ZDHHC14: variants seen among roughly 807,000 people sequenced by gnomAD.
ZDHHC14 encodes the protein palmitoyltransferase ZDHHC14.
In ZDHHC14, 16 loss-of-function variants were observed where a neutral mutation model predicts 47.7. The ratio of observed to expected loss-of-function variants is 0.34; its 90% CI spans 0.23 to 0.51. ZDHHC14 has a LOEUF of 0.51. Among genes scored for constraint, ZDHHC14 ranks in the 20% least tolerant of loss-of-function variants. The pLI, the probability that ZDHHC14 is intolerant of heterozygous loss-of-function variation, is 0.97. For synonymous variants in ZDHHC14, 293 were observed against 278.9 expected (o/e 1.05, Z -0.50); for missense variants, 515 against 662.5 (o/e 0.78, Z 2.44).
At chr6:157,526,440 C>G (rs1310706138) in intron 1 of ZDHHC14, among the ~76,000 whole-genome samples, 7 of 152,128 alleles carry the variant, frequency 4.6e-5, no homozygotes, top group African/African-American at 1.7e-4. Context: ...CCAGATTATC[C>G]TGGTATGGAA....
In ZDHHC14 at chr6:157,473,059, A is replaced by G. The variant is rs188104287; in HGVS notation, c.246-69526A>G. The stretch of plus-strand genomic sequence containing the variant: ...CACATTTTAATGAACAAAACTGTGT[A>G]TATGTATGGTATACAACATGGTATG... On this transcript the variant is annotated intron_variant, in intron 1 of 8. Coordinates refer to ENST00000359775, the MANE Select transcript of ZDHHC14 (RefSeq NM_024630.3). Among the ~76,000 whole-genome samples the G allele has an allele frequency of 4.1e-4, 63 of 152,374 alleles. 1 individual carries two copies. The South Asian group carries it at 0.013, about 31-fold the overall frequency.
intron 1 of ZDHHC14, among the ~76,000 whole-genome samples, chr6:157,487,930 T>C (rs2114724039): frequency 6.6e-6 from 1 of 151,956 alleles, no homozygotes; most frequent in East Asian, 1.9e-4. Context: ...CCCCCACCCC[T>C]CCCCAGCTCC....
Position 157,628,416 on chromosome 6 carries a change from T to C in ZDHHC14, c.633T>C (p.Tyr211=). 6.2e-7 allele frequency: 1 copy of C among 1,613,646 alleles called. No homozygotes were observed. The highest frequency in any genetic ancestry group is 8.5e-7 in the Non-Finnish European group (1 of 1,179,878). ...GGAAAAGAAACTACAGATTTTTTTA[T>C]ATGTTTATTTTATCTCTGTCTTTTC... ...CVGKRNYRFF[Y]MFILSLSFLT... is the part of the protein sequence containing the mutation. Residue 211 remains tyrosine (Y), a synonymous_variant, in exon 4 of 9, where the codon TAT becomes TAC. Transcript: ENST00000359775.
chr6:157,516,806 G>A (rs948572890), intron 1 of ZDHHC14, among the ~76,000 whole-genome samples: 10 of 152,188 alleles, frequency 6.6e-5, no homozygotes, highest in South Asian at 2.1e-4. Flanking sequence ...ATACTGCAAC[G>A]CATTAAGTTA....
At chr6:157,579,292 G>C (rs1260906883) in intron 2 of ZDHHC14, among the ~76,000 whole-genome samples, 4 of 137,564 alleles carry the variant, frequency 2.9e-5, no homozygotes, top group Non-Finnish European at 6.1e-5. Context: ...CTGCCTCCCG[G>C]GTTCATGCCA....
intron 5 of ZDHHC14, among the ~76,000 whole-genome samples, chr6:157,643,742 G>A (rs775867766): frequency 2.0e-5 from 3 of 146,754 alleles, no homozygotes; most frequent in Non-Finnish European, 4.5e-5. Flanking sequence ...GATGCCTCCC[G>A]ATGAGGGTAA....
chr6:157,613,068 T>A (rs1784815243), intron 3 of ZDHHC14, among the ~76,000 whole-genome samples: 1 of 152,186 alleles, frequency 6.6e-6, no homozygotes, highest in Non-Finnish European at 1.5e-5. Flanking sequence ...TGCACAGTTC[T>A]GGGAGGGTGG....
At chr6:157,662,117 AT>A (rs1178628634) in intron 8 of ZDHHC14, among the ~76,000 whole-genome samples, 1 of 152,066 alleles carries the variant, frequency 6.6e-6, no homozygotes, top group Non-Finnish European at 1.5e-5. Context: ...AGAGAATTAT[AT>A]TTATATAGAG....
chr6:157,566,277 G>C (rs377144532), intron 2 of ZDHHC14, among the ~76,000 whole-genome samples: 40 of 152,268 alleles, frequency 2.6e-4, no homozygotes, highest in Middle Eastern at 6.8e-3. Context: ...CAGTCCCACT[G>C]TTGGCTAGCC....
chr6:157,638,259 C>T (rs538080045), intron 5 of ZDHHC14, among the ~76,000 whole-genome samples: 1 of 152,264 alleles, frequency 6.6e-6, no homozygotes, highest in South Asian at 2.1e-4. Context: ...TTGGAGGGTG[C>T]ACTTCTGGCT....
Position 157,632,886 on chromosome 6 carries a change from T to C in ZDHHC14, c.752+4T>C. 1.9e-6 allele frequency: 3 copies of C among 1,614,128 alleles called. No individual in the cohort carries two copies. The highest frequency in any genetic ancestry group is 2.5e-6 in the Non-Finnish European group (3 of 1,179,978). On this transcript the variant is annotated splice_donor_region_variant and intron_variant, in intron 5 of 8. Coordinates refer to ENST00000359775, the MANE Select transcript of ZDHHC14 (RefSeq NM_024630.3). Reference sequence around the variant, plus strand: ...CCCTTAAGGACAGTCCTGCAAGATATCCTTTGTGATGATTCTGTTTTCACG... The same window carrying C: ...CCCTTAAGGACAGTCCTGCAAGATACCCTTTGTGATGATTCTGTTTTCACG...
chr6:157,480,344 T>C (rs1452424837), intron 1 of ZDHHC14, among the ~76,000 whole-genome samples: 1 of 144,904 alleles, frequency 6.9e-6, no homozygotes, highest in Non-Finnish European at 1.5e-5. Flanking sequence ...CTTGGCTCAC[T>C]GCAACCTCTG....
intron 1 of ZDHHC14, among the ~76,000 whole-genome samples, chr6:157,504,681 G>A (rs1318640607): frequency 1.3e-5 from 2 of 152,060 alleles, no homozygotes; most frequent in Admixed American, 6.5e-5. Context: ...AAAGTGTTGG[G>A]GTTACAGGCG....
At chr6:157,387,961 TTTGA>T (rs1464138062) in intron 1 of ZDHHC14, among the ~76,000 whole-genome samples, 3 of 152,214 alleles carry the variant, frequency 2.0e-5, no homozygotes, top group Non-Finnish European at 2.9e-5. Context: ...CCTCAGAAAC[TTTGA>T]TTATTTGATG....
At position 157,678,017 on chromosome 6, in the gene ZDHHC14, A is replaced by G. The variant is rs1778999283; in HGVS notation, c.*4895A>G. 1 of 152,032 alleles carries G rather than the reference A, an allele frequency of 6.6e-6. No individual in the cohort carries two copies. The highest frequency in any genetic ancestry group is 6.6e-5 in the Admixed American group (1 of 15,248). 9.4% of individuals were successfully genotyped at this position (152,032 alleles called of 1,614,324 possible). ...ACAATGGTGAACACATGTACATAAC[A>G]TTTCATGTTTTCAGAGATACGTATG... On this transcript the variant is annotated 3_prime_UTR_variant, in exon 9 of 9. Transcript: ENST00000359775.
intron 3 of ZDHHC14, among the ~76,000 whole-genome samples, chr6:157,611,574 G>T (rs1784751612): frequency 6.6e-6 from 1 of 152,130 alleles, no homozygotes; most frequent in Non-Finnish European, 1.5e-5. Flanking sequence ...CAGTGTCAGT[G>T]CCCAGTGCAA....
chr6:157,444,704 C>T (rs531029208), intron 1 of ZDHHC14, among the ~76,000 whole-genome samples: 18 of 151,826 alleles, frequency 1.2e-4, no homozygotes, highest in Middle Eastern at 3.4e-3. Context: ...ATATACTTTG[C>T]CCCTACATCC....
Position 157,676,230 on chromosome 6 carries a change from C to T in ZDHHC14, c.*3108C>T, listed in dbSNP as rs1006746575. On this transcript the variant is annotated 3_prime_UTR_variant, in exon 9 of 9. Coordinates refer to ENST00000359775, the MANE Select transcript of ZDHHC14 (RefSeq NM_024630.3). ...AGGAGGGCACAGTGACCTGTCACTC[C>T]GTTCTGCAGAAATTGGCCCAGCAGT... The T allele has an allele frequency of 2.0e-5, 3 of 151,526 alleles. No individual in the cohort carries two copies. Among genetic ancestry groups the T allele is most frequent in the Admixed American group, 6.6e-5 (1 of 15,196 alleles). 9.4% of individuals were successfully genotyped at this position (151,526 alleles called of 1,614,324 possible). A position where few individuals can be genotyped will look rare whatever the true frequency, so the allele number is the denominator to read the frequency against.
At chr6:157,575,203 C>G (rs866810930) in intron 2 of ZDHHC14, among the ~76,000 whole-genome samples, 2 of 152,342 alleles carry the variant, frequency 1.3e-5, no homozygotes, top group Middle Eastern at 6.8e-3. Flanking sequence ...AAGATCAGCA[C>G]CTGATTGGAG....
Sources: allele counts gnomAD v4.1 joint callset (sites outside exome capture counted in the v4.1 genomes callset), GRCh38; gene constraint gnomAD v4.1.1; transcripts MANE v1.5; gene names NCBI Gene and HGNC (gene_info 2026-07-23, HGNC 2026-07-21).